Variants in PLD5 observed in about 807,000 individuals in gnomAD.
PLD5 encodes phospholipase D family member 5.
A neutral mutation model predicts 61.1 loss-of-function variants in PLD5; 36 were observed. The observed-to-expected ratio is 0.59, with a 90% confidence interval of 0.45 to 0.78. The LOEUF (loss-of-function observed/expected upper bound fraction) is 0.78. Ranked by LOEUF, PLD5 falls within the 30% of genes least tolerant of loss-of-function variation. The pLI is 0.00. For missense variants in PLD5, 515 were observed against 644.4 expected (o/e 0.80, Z 2.17); for synonymous variants, 243 against 242.8 (o/e 1.00, Z -0.01).
chr1:242,336,239 T>C (rs1659500374), intron 2 of PLD5, among the ~76,000 whole-genome samples: 1 of 152,220 alleles, frequency 6.6e-6, no homozygotes, highest in Non-Finnish European at 1.5e-5. Context: ...ATCCAACTTG[T>C]ACTATCTGTC....
rs373145106 is a variant in PLD5 at position 242,287,987 on chromosome 1, T to C, written c.495+375A>G. Among the ~76,000 whole-genome samples, 176 of 152,310 alleles carry C rather than the reference T, an allele frequency of 1.2e-3. 4 individuals carry two copies. The highest frequency in any genetic ancestry group is 1.2e-3 in the Non-Finnish European group (81 of 68,040). ...AACACAAATTAACCAAATAAATGCC[T>C]CAGCGAGCAGTTACAGAATTAGAAC... On this transcript the variant is annotated intron_variant, in intron 3 of 9. Coordinates refer to ENST00000536534, the MANE Select transcript of PLD5 (RefSeq NM_001372062.1).
chr1:242,500,584 T>C (rs979899374), intron 1 of PLD5, among the ~76,000 whole-genome samples: 2 of 152,208 alleles, frequency 1.3e-5, no homozygotes, highest in African/African-American at 4.8e-5. Context: ...ATGTGACGGT[T>C]GGTACAGTTG....
intron 5 of PLD5, among the ~76,000 whole-genome samples, chr1:242,165,489 G>A (rs1324112075): frequency 6.6e-6 from 1 of 150,382 alleles, no homozygotes; most frequent in African/African-American, 2.4e-5. Flanking sequence ...CCAGTGGGAT[G>A]TAAAATATAG....
chr1:242,472,802 C>T (rs951299351), intron 1 of PLD5, among the ~76,000 whole-genome samples: 2 of 151,950 alleles, frequency 1.3e-5, no homozygotes, highest in African/African-American at 2.4e-5. Flanking sequence ...TTATCAAATC[C>T]GTGTGTTCCA....
chr1:242,334,999 C>A (rs1452689302), intron 2 of PLD5, among the ~76,000 whole-genome samples: 1 of 152,138 alleles, frequency 6.6e-6, no homozygotes, highest in African/African-American at 2.4e-5. Flanking sequence ...AAGGACATGA[C>A]CTGCCCTTTT....
chr1:242,227,301 T>C (rs1301984077), intron 4 of PLD5, among the ~76,000 whole-genome samples: 2 of 151,922 alleles, frequency 1.3e-5, no homozygotes, highest in Non-Finnish European at 2.9e-5. Context: ...CCTCCAGCCA[T>C]AGCCTCATAA....
intron 1 of PLD5, among the ~76,000 whole-genome samples, chr1:242,420,679 C>T (rs1292507259): frequency 3.3e-5 from 5 of 152,028 alleles, no homozygotes; most frequent in Non-Finnish European, 7.4e-5. Flanking sequence ...CCATGATTTA[C>T]CCCAAACTCA....
Position 242,377,156 on chromosome 1 carries a change from G to C in PLD5, c.190-28914C>G. The C allele has an allele frequency of 1.9e-6, 3 of 1,611,648 alleles. No individual in the cohort carries two copies. The South Asian group carries it at 3.3e-5, about 18-fold the overall frequency. ...GCTGAGGTTCCTTTAACTTGTGTAC[G>C]ATGAAGAGGTGTCTGGAGAGAGAGA... On this transcript the variant is annotated intron_variant, in intron 1 of 9. Coordinates refer to ENST00000536534, the MANE Select transcript of PLD5 (RefSeq NM_001372062.1).
chr1:242,362,947 A>G (rs1412523976), intron 1 of PLD5, among the ~76,000 whole-genome samples: 1 of 152,152 alleles, frequency 6.6e-6, no homozygotes, highest in African/African-American at 2.4e-5. Flanking sequence ...TTGCCATGGC[A>G]CAGAAAAGCA....
chr1:242,216,928 G>A (rs1057372788), intron 5 of PLD5, among the ~76,000 whole-genome samples: 8 of 152,134 alleles, frequency 5.3e-5, no homozygotes, highest in African/African-American at 1.2e-4. Context: ...TAAAAATTGT[G>A]GGACCCTTAA....
At chr1:242,222,508 C>A (rs1670657007) in intron 4 of PLD5, among the ~76,000 whole-genome samples, 1 of 152,188 alleles carries the variant, frequency 6.6e-6, no homozygotes, top group Admixed American at 6.5e-5. Flanking sequence ...CTCCTCGAAC[C>A]CTCTGTGACA....
At chr1:242,253,216 G>A (rs1672811666) in intron 4 of PLD5, among the ~76,000 whole-genome samples, 1 of 147,940 alleles carries the variant, frequency 6.8e-6, no homozygotes, top group African/African-American at 2.5e-5. Flanking sequence ...ACTGCAGGGT[G>A]GAACTCCTGA....
chr1:242,296,580 A>G (rs1207227567), intron 2 of PLD5, among the ~76,000 whole-genome samples: 6 of 152,212 alleles, frequency 3.9e-5, no homozygotes, highest in Admixed American at 2.0e-4. Flanking sequence ...ATACAGACCT[A>G]GGGACCTTGC....
chr1:242,525,064 C>G (rs1430158074), upstream of PLD5, among the ~76,000 whole-genome samples: 1 of 151,924 alleles, frequency 6.6e-6, no homozygotes, highest in Admixed American at 6.5e-5. Context: ...ACCCTGCCCC[C>G]GGCTCGCTTG....
At chr1:242,249,165 C>T (rs532570805) in intron 4 of PLD5, among the ~76,000 whole-genome samples, 1 of 152,178 alleles carries the variant, frequency 6.6e-6, no homozygotes, top group South Asian at 2.1e-4. Flanking sequence ...TATTGTTGGC[C>T]CCACTGTTGG....
intron 7 of PLD5, among the ~76,000 whole-genome samples, 199 bp from the exon 8 acceptor site, chr1:242,108,038 C>T (rs74153340): frequency 0.091 from 13,885 of 152,114 alleles, 712 homozygotes; most frequent in Middle Eastern, 0.16. Context: ...CTGGGACCTG[C>T]CCCTGCCTAA....
At chr1:242,368,653 C>G (rs897079665) in intron 1 of PLD5, among the ~76,000 whole-genome samples, 10 of 152,264 alleles carry the variant, frequency 6.6e-5, no homozygotes, top group African/African-American at 2.4e-4. Flanking sequence ...GGTGGGTTCT[C>G]TGCCTGAGCT....
chr1:242,332,408 A>G (rs1659240958), intron 2 of PLD5, among the ~76,000 whole-genome samples: 1 of 152,142 alleles, frequency 6.6e-6, no homozygotes, highest in Admixed American at 6.6e-5. Context: ...CAGTAATGGA[A>G]TTGCTGGGTC....
rs565165218 is a variant in PLD5 at position 242,284,119 on chromosome 1, C to CTT, written c.495+4241_495+4242dup. On this transcript the variant is annotated intron_variant, in intron 3 of 9. Transcript: ENST00000536534. ...TCTAAAAATAATCTTTTTCTTTTTC[C>CTT]TTTTTTTTTTTTTTTTTTTTTTTTT... Among the ~76,000 whole-genome samples the CTT allele has an allele frequency of 1.5e-3, 116 of 75,952 alleles. 4 individuals carry two copies. The highest frequency in any genetic ancestry group is 0.012 in the Middle Eastern group (1 of 82). The allele number at this position is 75,952 out of a possible 152,430, so 49.8% of individuals were successfully genotyped here.
Sources: allele counts gnomAD v4.1 joint callset (sites outside exome capture counted in the v4.1 genomes callset), GRCh38; gene constraint gnomAD v4.1.1; transcripts MANE v1.5; gene names NCBI Gene and HGNC (gene_info 2026-07-23, HGNC 2026-07-21).